NCOA2: variants seen among roughly 807,000 people sequenced by gnomAD.
NCOA2 encodes nuclear receptor coactivator 2, also known as class E basic helix-loop-helix protein 75.
Under a neutral mutation model 145.1 loss-of-function variants are expected in NCOA2, and 21 were observed. That is an observed-to-expected ratio of 0.14 (90% CI 0.10 to 0.21). The LOEUF (loss-of-function observed/expected upper bound fraction) is 0.21, where lower values mean the gene tolerates loss of function less well. NCOA2 is among the 10% of genes least tolerant of loss of function. NCOA2 has a pLI of 1.00. For missense variants in NCOA2, 1,472 were observed against 1,837.6 expected, an observed-to-expected ratio of 0.80 and a Z score of 3.64; for synonymous variants, 619 against 637.5, an observed-to-expected ratio of 0.97 and a Z score of 0.44.
intron 1 of NCOA2, among the ~76,000 whole-genome samples, chr8:70,305,714 A>C (rs921792018): frequency 6.6e-6 from 1 of 152,238 alleles, no homozygotes; most frequent in Admixed American, 6.5e-5. Flanking sequence ...CATAGCCATA[A>C]TGTTTTAATC....
intron 1 of NCOA2, among the ~76,000 whole-genome samples, chr8:70,379,560 T>C (rs149064230): frequency 2.0e-5 from 3 of 152,292 alleles, no homozygotes; most frequent in African/African-American, 7.2e-5. Context: ...TGACATTTTA[T>C]CTCTTTCTGC....
In NCOA2 at chr8:70,282,071, GA is replaced by G. The variant is rs201661768; in HGVS notation, c.-20+14672del. ...AAATAATGAAACCTAAGAGGTGAGAGATAAGACCAAATGTCTACTAACCCCA... is the reference window on the plus strand; with the variant it reads ...AAATAATGAAACCTAAGAGGTGAGAGTAAGACCAAATGTCTACTAACCCCA... On this transcript the variant is annotated intron_variant, in intron 2 of 22. Transcript: ENST00000452400. Among the ~76,000 whole-genome samples the G allele has an allele frequency of 2.0e-3, 300 of 152,238 alleles. 3 individuals carry two copies. Among genetic ancestry groups the G allele is most frequent in the Admixed American group, 0.016 (238 of 15,300 alleles).
At chr8:70,145,119 T>C (rs961183730) in intron 12 of NCOA2, among the ~76,000 whole-genome samples, 3 of 151,952 alleles carry the variant, frequency 2.0e-5, no homozygotes, top group African/African-American at 4.9e-5. Context: ...TCCTCACCAA[T>C]AGTAATTTCA....
intron 2 of NCOA2, among the ~76,000 whole-genome samples, chr8:70,228,986 G>C (rs543215141): frequency 9.1e-4 from 139 of 152,266 alleles, no homozygotes; most frequent in Middle Eastern, 6.8e-3. Flanking sequence ...TCTTTAGTTG[G>C]TATTTTCTTT....
chr8:70,136,101 C>T (rs74868004), intron 15 of NCOA2, among the ~76,000 whole-genome samples: 8,513 of 152,208 alleles, frequency 0.056, 803 homozygotes, highest in African/African-American at 0.2. Context: ...AGGCTGGGCG[C>T]GGTGGCTCAC....
chr8:70,452,630 G>A, the NCOA2 span, among the ~76,000 whole-genome samples: 2 of 151,768 alleles, frequency 1.3e-5, no homozygotes, highest in African/African-American at 4.8e-5. Context: ...AGATAGAATT[G>A]AAGTTTGTAA....
chr8:70,166,766 A>G lies in NCOA2; in HGVS notation c.542-12T>C. On this transcript the variant is annotated splice_polypyrimidine_tract_variant and intron_variant, in intron 6 of 22. Transcript: ENST00000452400. ...AGATCCCCCATTTACTGAGCAAGGCAAAAGTAATCCAGTTTTACAAAGAAA... is the reference window on the plus strand; with the variant it reads ...AGATCCCCCATTTACTGAGCAAGGCGAAAGTAATCCAGTTTTACAAAGAAA... The G allele has an allele frequency of 6.2e-7, 1 of 1,605,294 alleles. No homozygotes were observed. The highest frequency in any genetic ancestry group is 8.5e-7 in the Non-Finnish European group (1 of 1,175,238).
At chr8:70,313,432 T>A (rs897701734) in intron 1 of NCOA2, among the ~76,000 whole-genome samples, 68 of 152,298 alleles carry the variant, frequency 4.5e-4, no homozygotes, top group African/African-American at 1.6e-3. Context: ...CTGTTTTTAG[T>A]AATGGTATTT....
At chr8:70,327,332 G>A (rs1252140821) in intron 1 of NCOA2, among the ~76,000 whole-genome samples, 3 of 152,262 alleles carry the variant, frequency 2.0e-5, no homozygotes, top group East Asian at 1.9e-4. Context: ...TGTATTCTCT[G>A]CACATAAATG....
At chr8:70,386,702 T>C (rs1234426891) in intron 1 of NCOA2, among the ~76,000 whole-genome samples, 1 of 152,166 alleles carries the variant, frequency 6.6e-6, no homozygotes, top group Non-Finnish European at 1.5e-5. Flanking sequence ...GAGAATCCAA[T>C]CCCAGAAGAC....
At chr8:70,133,064 G>A (rs13255889) in intron 15 of NCOA2, among the ~76,000 whole-genome samples, 63 of 151,354 alleles carry the variant, frequency 4.2e-4, no homozygotes, top group Non-Finnish European at 8.0e-4. Flanking sequence ...GATTAGAGTA[G>A]AGGAGGGGTG....
At chr8:70,208,816 T>C (rs1359164311) in intron 4 of NCOA2, among the ~76,000 whole-genome samples, 3 of 152,236 alleles carry the variant, frequency 2.0e-5, no homozygotes, top group African/African-American at 4.8e-5. Context: ...AAAATATTAC[T>C]GCTCATTGGC....
chr8:70,234,249 C>A (rs1215737956), intron 2 of NCOA2, among the ~76,000 whole-genome samples: 1 of 152,128 alleles, frequency 6.6e-6, no homozygotes, highest in African/African-American at 2.4e-5. Context: ...ATTTTGTTTA[C>A]CCATTACTCA....
intron 2 of NCOA2, among the ~76,000 whole-genome samples, chr8:70,290,414 T>C (rs1826579486): frequency 6.6e-6 from 1 of 152,092 alleles, no homozygotes; most frequent in Non-Finnish European, 1.5e-5. Context: ...GGTCTCGATC[T>C]CCTAACCTCG....
At chr8:70,279,991 T>G (rs1825755217) in intron 2 of NCOA2, among the ~76,000 whole-genome samples, 1 of 152,220 alleles carries the variant, frequency 6.6e-6, no homozygotes, top group Non-Finnish European at 1.5e-5. Flanking sequence ...TATACTGGTT[T>G]GAGTTGCATT....
chr8:70,376,151 G>C (rs554387816), intron 1 of NCOA2, among the ~76,000 whole-genome samples: 30 of 152,224 alleles, frequency 2.0e-4, no homozygotes, highest in African/African-American at 7.0e-4. Context: ...GGCAGGAGGA[G>C]GATAAGTATT....
At chr8:70,348,032 A>G (rs1352885263) in intron 1 of NCOA2, among the ~76,000 whole-genome samples, 1 of 152,260 alleles carries the variant, frequency 6.6e-6, no homozygotes, top group East Asian at 1.9e-4. Context: ...AATAAAAAGG[A>G]AAGAGCTGAG....
chr8:70,377,834 C>G (rs1260815193), intron 1 of NCOA2, among the ~76,000 whole-genome samples: 1 of 152,112 alleles, frequency 6.6e-6, no homozygotes, highest in African/African-American at 2.4e-5. Flanking sequence ...GCTTATAAAT[C>G]TAAATTAAAT....
chr8:70,310,569 A>G (rs986497240), intron 1 of NCOA2, among the ~76,000 whole-genome samples: 6 of 152,156 alleles, frequency 3.9e-5, no homozygotes, highest in South Asian at 2.1e-4. Context: ...TTTTCTTCAT[A>G]AAGTATCAGG....
Sources: gnomAD v4.1 joint callset for allele counts (sites outside exome capture counted in the v4.1 genomes callset) on GRCh38, gnomAD v4.1.1 for gene constraint, MANE v1.5 for transcripts, NCBI Gene and HGNC (gene_info 2026-07-23, HGNC 2026-07-21) for gene names.